CDC42: variants seen among roughly 807,000 people sequenced by gnomAD.
CDC42 encodes the protein cell division cycle 42, also known as cell division control protein 42 homolog.
In CDC42, 1 loss-of-function variant was observed where a neutral mutation model predicts 20.8. That is an observed-to-expected ratio of 0.05 (90% CI 0.02 to 0.23). The LOEUF is 0.23. CDC42 is among the 10% of genes least tolerant of loss of function. The probability of loss-of-function intolerance (pLI) is 1.00; values close to 1 mark genes in which losing one functional copy is unlikely to be tolerated. For missense variants in CDC42, 49 were observed against 227.9 expected (o/e 0.21, Z 5.05); for synonymous variants, 72 against 84.8 (o/e 0.85, Z 0.83).
intron 1 of CDC42, among the ~76,000 whole-genome samples, chr1:22,056,217 T>C (rs957536713): frequency 2.0e-5 from 3 of 152,222 alleles, no homozygotes; most frequent in Admixed American, 6.5e-5. Context: ...TTCCCTAATA[T>C]TCCATGGGCC....
chr1:22,069,613 CTTTTTTTT>C (rs56218067), intron 1 of CDC42, among the ~76,000 whole-genome samples: 32 of 109,762 alleles, frequency 2.9e-4, no homozygotes, highest in African/African-American at 8.5e-4. Context: ...CATGCCACCA[CTTTTTTTT>C]TTTTTTTTTT....
chr1:22,088,138 T>G (rs947424482), intron 5 of CDC42, among the ~76,000 whole-genome samples: 1 of 152,250 alleles, frequency 6.6e-6, no homozygotes, highest in Non-Finnish European at 1.5e-5. Context: ...AAATGCCTGG[T>G]GCTTCTCTGT....
chr1:22,098,158 C>T lies in CDC42; in HGVS notation c.*6641C>T, dbSNP rs1398248342. ...TTTAGGGGTAGAGACTAGGAGCCTA[C>T]ATTTTGAACAAGCATCTTTTTATTT... On this transcript the variant is annotated 3_prime_UTR_variant, in exon 6 of 6. Coordinates refer to ENST00000656825, the MANE Select transcript of CDC42 (RefSeq NM_001791.4). 2.0e-5 allele frequency among the ~76,000 whole-genome samples: 3 copies of T among 152,236 alleles called. No individual in the cohort carries two copies. The highest frequency in any genetic ancestry group is 2.1e-4 in the South Asian group (1 of 4,818).
In CDC42 at chr1:22,100,101, C is replaced by T. The variant is rs1278094636; in HGVS notation, c.*8584C>T. ...GGTTTGTTTGGTGAGAAAGTTGCAC[C>T]TTAGTGAATACCCAAGGTCTGAGGG... On this transcript the variant is annotated 3_prime_UTR_variant, in exon 6 of 6. Coordinates refer to ENST00000656825, the MANE Select transcript of CDC42 (RefSeq NM_001791.4). Among the ~76,000 whole-genome samples the T allele has an allele frequency of 6.8e-6, 1 of 147,478 alleles. No homozygotes were observed. The highest frequency in any genetic ancestry group is 2.0e-4 in the East Asian group (1 of 4,962).
At chr1:22,065,769 T>TGC (rs1645415625) in intron 1 of CDC42, among the ~76,000 whole-genome samples, 1 of 68,140 alleles carries the variant, frequency 1.5e-5, no homozygotes, top group African/African-American at 5.1e-5. Context: ...CGTCTTTTTT[T>TGC]GGGGGGCGGG....
At chr1:22,074,463 A>G (rs1403547831) in intron 1 of CDC42, among the ~76,000 whole-genome samples, 2 of 152,148 alleles carry the variant, frequency 1.3e-5, no homozygotes, top group Non-Finnish European at 2.9e-5. Flanking sequence ...TTAATAGGAG[A>G]TTAACATAGG....
chr1:22,097,497 C>T lies in CDC42; in HGVS notation c.*5980C>T, dbSNP rs746630802. On this transcript the variant is annotated 3_prime_UTR_variant, in exon 6 of 6. Coordinates refer to ENST00000656825, the MANE Select transcript of CDC42 (RefSeq NM_001791.4). The stretch of plus-strand genomic sequence containing the variant: ...CCTCAGGTGATCCGCCCGTTGCGGC[C>T]TCCCTAAGTGCTGGGATTATAGGCG... Among the ~76,000 whole-genome samples, 1 of 152,250 alleles carries T rather than the reference C, an allele frequency of 6.6e-6. No individual in the cohort carries two copies. Among genetic ancestry groups the T allele is most frequent in the Non-Finnish European group, 1.5e-5 (1 of 68,050 alleles).
At position 22,100,022 on chromosome 1, in the gene CDC42, T is replaced by C. The variant is rs1370109542; in HGVS notation, c.*8505T>C. Among the ~76,000 whole-genome samples the C allele has an allele frequency of 1.1e-4, 3 of 28,266 alleles. No homozygotes were observed. The allele number at this position is 28,266 out of a possible 152,430, so 18.5% of individuals were successfully genotyped here. A position where few individuals can be genotyped will look rare whatever the true frequency, so the allele number is the denominator to read the frequency against. On this transcript the variant is annotated 3_prime_UTR_variant, in exon 6 of 6. Transcript: ENST00000656825. ...CTGGCCTTTTTTTCTTTCTTCTTCTTCTTCTTCTTTTTTTTTTTTTTTGTA... is the reference window on the plus strand; with the variant it reads ...CTGGCCTTTTTTTCTTTCTTCTTCTCCTTCTTCTTTTTTTTTTTTTTTGTA...
At chr1:22,066,681 C>G (rs1645427299) in intron 1 of CDC42, among the ~76,000 whole-genome samples, 1 of 91,648 alleles carries the variant, frequency 1.1e-5, no homozygotes. Context: ...CAGGGGAGGA[C>G]TTTTGGAGGA....
chr1:22,062,191 C>T (rs1177288648), intron 1 of CDC42, among the ~76,000 whole-genome samples: 2 of 152,188 alleles, frequency 1.3e-5, no homozygotes, highest in African/African-American at 4.8e-5. Flanking sequence ...CTGCCTTGGC[C>T]TCCCAAAGTG....
intron 1 of CDC42, among the ~76,000 whole-genome samples, chr1:22,070,699 C>T (rs1000068762): frequency 4.0e-5 from 6 of 151,854 alleles, no homozygotes; most frequent in African/African-American, 9.7e-5. Context: ...CTCTTGACCT[C>T]GTGATCCGCC....
chr1:22,072,689 C>T (rs1029240630), intron 1 of CDC42, among the ~76,000 whole-genome samples: 5 of 152,098 alleles, frequency 3.3e-5, no homozygotes, highest in African/African-American at 1.2e-4. Context: ...GGCTTCCTAG[C>T]ATCCCTTCCA....
rs937713762 is a variant in CDC42, at chr1:22,094,656, A to C, written c.*3139A>C. Among the ~76,000 whole-genome samples, 5 of 152,108 alleles carry C rather than the reference A, an allele frequency of 3.3e-5. No individual in the cohort carries two copies. The highest frequency in any genetic ancestry group is 1.2e-4 in the African/African-American group (5 of 41,426). ...AAGCTGGACTTTATGCCACAAGGGG[A>C]GTGTATTCTAAAGGGGAAGAAAAGG... is the stretch of plus-strand genomic sequence containing the variant. On this transcript the variant is annotated 3_prime_UTR_variant, in exon 6 of 6. Transcript: ENST00000656825.
rs1377324510 is a variant in CDC42 at position 22,095,026 on chromosome 1, G to C, written c.*3509G>C. 6.6e-6 allele frequency among the ~76,000 whole-genome samples: 1 copy of C among 152,148 alleles called. No individual in the cohort carries two copies. Among genetic ancestry groups the C allele is most frequent in the East Asian group, 1.9e-4 (1 of 5,198 alleles). The stretch of plus-strand genomic sequence containing the variant: ...AGGATTGAAACTTAGTCCTTGCTGG[G>C]TACAAATTTAGAAATTTGTTATATA... On this transcript the variant is annotated 3_prime_UTR_variant, in exon 6 of 6. Coordinates refer to ENST00000656825, the MANE Select transcript of CDC42 (RefSeq NM_001791.4).
At chr1:22,084,335 G>GTTTTTT (rs61584354) in intron 3 of CDC42, among the ~76,000 whole-genome samples, 29 of 80,684 alleles carry the variant, frequency 3.6e-4, no homozygotes, top group South Asian at 1.0e-3. Context: ...CTTATTTCCT[G>GTTTTTT]TTTTTTTTTT....
chr1:22,079,146 T>G (rs201324016), intron 2 of CDC42, among the ~76,000 whole-genome samples: 1 of 107,778 alleles, frequency 9.3e-6, no homozygotes, highest in African/African-American at 2.8e-5. Flanking sequence ...TTTCTTTTTT[T>G]TTTTTTTTTT....
Position 22,100,600 on chromosome 1 carries a change from G to A in CDC42, c.*9083G>A, listed in dbSNP as rs1645783769. 1 of 152,190 alleles carries A rather than the reference G, an allele frequency of 6.6e-6. No individual in the cohort carries two copies. The highest frequency in any genetic ancestry group is 1.5e-5 in the Non-Finnish European group (1 of 68,042). 9.4% of individuals were successfully genotyped at this position (152,190 alleles called of 1,614,324 possible). Reference sequence around the variant, plus strand: ...TTAGCATAGTGCCTGGCAAGTAGAAGGTACTCATCTGTGAATGGGGTAGAT... The same window carrying A: ...TTAGCATAGTGCCTGGCAAGTAGAAAGTACTCATCTGTGAATGGGGTAGAT... On this transcript the variant is annotated 3_prime_UTR_variant, in exon 6 of 6. Coordinates refer to ENST00000656825, the MANE Select transcript of CDC42 (RefSeq NM_001791.4).
intron 1 of CDC42, among the ~76,000 whole-genome samples, chr1:22,060,909 A>G (rs182379656): frequency 6.6e-6 from 1 of 152,142 alleles, no homozygotes; most frequent in African/African-American, 2.4e-5. Flanking sequence ...AGTTCTATGG[A>G]TATCAGTGTT....
intron 1 of CDC42, among the ~76,000 whole-genome samples, chr1:22,076,544 C>T (rs1227924040): frequency 4.6e-5 from 7 of 152,146 alleles, no homozygotes; most frequent in Non-Finnish European, 1.0e-4. Flanking sequence ...ACTTGCTGAG[C>T]CTCACTCTTC....
Sources: allele counts gnomAD v4.1 joint callset (sites outside exome capture counted in the v4.1 genomes callset), GRCh38; gene constraint gnomAD v4.1.1; transcripts MANE v1.5; gene names NCBI Gene and HGNC (gene_info 2026-07-23, HGNC 2026-07-21).